The following SERINC2 variants were observed in gnomAD, a reference collection of about 807,000 sequenced individuals.
SERINC2 encodes serine incorporator 2.
SERINC2 carries 56 observed loss-of-function variants against 54.2 expected under a neutral mutation model. The ratio of observed to expected loss-of-function variants is 1.03; its 90% CI spans 0.83 to 1.29. SERINC2 has a LOEUF of 1.29. Among genes scored for constraint, SERINC2 ranks in the 50% most tolerant of loss-of-function variants. The pLI, the probability that SERINC2 is intolerant of heterozygous loss-of-function variation, is 0.00. For missense variants in SERINC2, 614 were observed against 607.4 expected, an observed-to-expected ratio of 1.01 and a Z score of -0.12; for synonymous variants, 272 against 253.1, an observed-to-expected ratio of 1.07 and a Z score of -0.71.
chr1:31,432,679 C>G (rs1487294866), intron 8 of SERINC2, among the ~76,000 whole-genome samples: 1 of 152,116 alleles, frequency 6.6e-6, no homozygotes, highest in African/African-American at 2.4e-5. Context: ...TGCTAGAGAC[C>G]TTACATCATT....
At chr1:31,413,170 G>A, upstream of SERINC2, 1 of 865,196 alleles carries the variant, frequency 1.2e-6, no homozygotes, top group Non-Finnish European at 1.3e-6. This position sits in a 1 kb window ranked among gnomAD's most constrained non-coding sequence, Gnocchi z 5.0. Context: ...GGGCCGGGGC[G>A]GGGCCGGGGC....
Position 31,426,644 on chromosome 1 carries a change from T to A in SERINC2, c.611-10T>A, listed in dbSNP as rs781800819. 1.3e-6 allele frequency: 2 copies of A among 1,599,088 alleles called. No individual in the cohort carries two copies. The highest frequency in any genetic ancestry group is 3.4e-5 in the Admixed American group (2 of 59,516). ...CCACTGCCTACCCTCTCACTACCCCTCTGGCCCAGGCCTCTTCTTCTTCAC... is the reference window on the plus strand; with the variant it reads ...CCACTGCCTACCCTCTCACTACCCCACTGGCCCAGGCCTCTTCTTCTTCAC... On this transcript the variant is annotated splice_polypyrimidine_tract_variant and intron_variant, in intron 5 of 9. Transcript: ENST00000373709.
At chr1:31,412,073 G>A (rs1553131547), upstream of SERINC2, among the ~76,000 whole-genome samples, 3 of 151,794 alleles carry the variant, frequency 2.0e-5, no homozygotes, top group African/African-American at 7.3e-5. Flanking sequence ...GAAAAGTATA[G>A]GGTGTGTTTG....
At chr1:31,432,120 TAGGGTGGATAGGGTGGACAGGGTGGAC>T (rs1557501417) in intron 8 of SERINC2, among the ~76,000 whole-genome samples, 7 of 13,214 alleles carry the variant, frequency 5.3e-4, no homozygotes, top group Non-Finnish European at 7.5e-4. Flanking sequence ...ATAGGGTGGT[TAGGGTGGATAGGGTGGACAGGGTGGAC>T]AGGGTGGACA....
intron 9 of SERINC2, 115 bp downstream of exon 9, chr1:31,433,300 C>T (rs559796098): frequency 1.5e-5 from 13 of 856,756 alleles, no homozygotes; most frequent in Admixed American, 6.1e-5. Context: ...TTGGGGGTGG[C>T]GGTGTGTATC....
chr1:31,430,922 C>G (rs1641178055), intron 8 of SERINC2, among the ~76,000 whole-genome samples: 1 of 152,224 alleles, frequency 6.6e-6, no homozygotes, highest in South Asian at 2.1e-4. Context: ...CCCCTGCCCC[C>G]AGGCCCCTGG....
At chr1:31,432,274 G>T (rs184631873) in intron 8 of SERINC2, among the ~76,000 whole-genome samples, 7 of 150,716 alleles carry the variant, frequency 4.6e-5, no homozygotes, top group Non-Finnish European at 1.5e-5. Context: ...CAATTTGCTG[G>T]GGTGGCGGGG....
intron 8 of SERINC2, among the ~76,000 whole-genome samples, chr1:31,432,670 G>A (rs921059085): frequency 6.6e-6 from 1 of 152,126 alleles, no homozygotes; most frequent in Non-Finnish European, 1.5e-5. Context: ...CAAGCACTAT[G>A]CTAGAGACCT....
At chr1:31,422,802 C>G (rs782405706) in intron 1 of SERINC2, among the ~76,000 whole-genome samples, 13 of 152,120 alleles carry the variant, frequency 8.5e-5, no homozygotes, top group Non-Finnish European at 1.8e-4. Flanking sequence ...GTCTCCTTTT[C>G]AGGTGTGGCA....
chr1:31,418,759 A>C (rs946479978), intron 1 of SERINC2, among the ~76,000 whole-genome samples: 3 of 152,106 alleles, frequency 2.0e-5, no homozygotes, highest in Non-Finnish European at 4.4e-5. Context: ...GGTTCTAAGA[A>C]CTTCTGTCCC....
chr1:31,413,893 C>T lies in SERINC2; in HGVS notation c.39+589C>T. ...TGCTGTCTTCTGTCCGTCTGCCCGTCCGCCCGTCCGTCCCTCAGTCTCTCT... is the reference window on the plus strand; with the variant it reads ...TGCTGTCTTCTGTCCGTCTGCCCGTTCGCCCGTCCGTCCCTCAGTCTCTCT... On this transcript the variant is annotated intron_variant, in intron 1 of 9. Coordinates refer to ENST00000373709, the MANE Select transcript of SERINC2 (RefSeq NM_178865.5). This position sits in a 1 kb window ranked among gnomAD's most constrained non-coding sequence, Gnocchi z 5.0. 1.4e-6 allele frequency: 2 copies of T among 1,445,948 alleles called. No individual in the cohort carries two copies. The highest frequency in any genetic ancestry group is 1.8e-6 in the Non-Finnish European group (2 of 1,107,174). 89.6% of individuals were successfully genotyped at this position (1,445,948 alleles called of 1,614,324 possible). A position where few individuals can be genotyped will look rare whatever the true frequency, so the allele number is the denominator to read the frequency against.
Position 31,434,074 on chromosome 1 carries a change from A to G in SERINC2, c.1243A>G (p.Thr415Ala). 6.2e-7 allele frequency: 1 copy of G among 1,613,854 alleles called. No individual in the cohort carries two copies. ...GATGGTGTGTTCCAGGCCCGGTGAG[A>G]CCCGGAAGATGATCAGCACGTGGAC... ...TLTNWYKPGE[T>A]RKMISTWTAV... The change falls in exon 10 of 10, where the codon ACC (threonine) becomes GCC (alanine). Residue 415 changes from threonine to alanine, a missense_variant. Coordinates refer to ENST00000373709, the MANE Select transcript of SERINC2 (RefSeq NM_178865.5).
At chr1:31,427,319 C>T (rs1326911257) in intron 6 of SERINC2, among the ~76,000 whole-genome samples, 3 of 152,150 alleles carry the variant, frequency 2.0e-5, no homozygotes, top group Non-Finnish European at 2.9e-5. Context: ...AGAGGAACTG[C>T]GTGTTCTTCA....
intron 8 of SERINC2, among the ~76,000 whole-genome samples, chr1:31,432,384 G>A (rs925072838): frequency 1.3e-5 from 2 of 152,146 alleles, no homozygotes; most frequent in Non-Finnish European, 2.9e-5. Context: ...AAAACATCAA[G>A]GCTCATCACA....
At chr1:31,432,427 CT>C (rs1252354559) in intron 8 of SERINC2, among the ~76,000 whole-genome samples, 185 of 152,120 alleles carry the variant, frequency 1.2e-3, no homozygotes, top group African/African-American at 4.2e-3. Context: ...TACTGTTGTT[CT>C]TTTTTTAGTG....
chr1:31,414,836 C>T, intron 1 of SERINC2: 2 of 948,544 alleles, frequency 2.1e-6, no homozygotes, highest in Non-Finnish European at 2.5e-6. Flanking sequence ...GGCAGCCTGC[C>T]AGCCCTGTGT....
At chr1:31,425,054 G>A (rs1372577934) in intron 3 of SERINC2, among the ~76,000 whole-genome samples, 181 bp downstream of exon 3, 4 of 152,180 alleles carry the variant, frequency 2.6e-5, no homozygotes, top group African/African-American at 7.2e-5. Context: ...AGAAAGGGTG[G>A]CAGCAAGCCT....
chr1:31,422,255 C>T (rs916934602), intron 1 of SERINC2, among the ~76,000 whole-genome samples: 1 of 150,264 alleles, frequency 6.7e-6, no homozygotes, highest in Non-Finnish European at 1.5e-5. Context: ...GCTGAGATTG[C>T]GCCACTGCAC....
rs1641411263 is a variant in SERINC2, at chr1:31,434,321, T to C, written c.*122T>C. The C allele has an allele frequency of 1.2e-5, 12 of 1,031,836 alleles. No individual in the cohort carries two copies. The highest frequency in any genetic ancestry group is 1.7e-5 in the Non-Finnish European group (12 of 704,878). The allele number at this position is 1,031,836 out of a possible 1,614,324, so 63.9% of individuals were successfully genotyped here. On this transcript the variant is annotated 3_prime_UTR_variant, in exon 10 of 10. Coordinates refer to ENST00000373709, the MANE Select transcript of SERINC2 (RefSeq NM_178865.5). ...GCTGAGCCCCCACCCCTGCCCCAGC[T>C]CCAGGACCTGCCCCTGAGCCGGGCC...
Sources: allele counts gnomAD v4.1 joint callset (sites outside exome capture counted in the v4.1 genomes callset), GRCh38; gene constraint gnomAD v4.1.1; non-coding constraint Gnocchi (gnomAD v3.1); transcripts MANE v1.5; gene names NCBI Gene and HGNC (gene_info 2026-07-23, HGNC 2026-07-21).